FSHR: variants seen among roughly 807,000 people sequenced by gnomAD.
FSHR encodes follicle-stimulating hormone receptor.
Under a neutral mutation model 52.1 loss-of-function variants are expected in FSHR, and 46 were observed. The observed-to-expected ratio is 0.88, with a 90% CI of 0.70 to 1.13. The LOEUF is 1.13. Ranked by LOEUF, FSHR falls within the 50% of genes most tolerant of loss-of-function variation. The probability of loss-of-function intolerance (pLI) is 0.00; values close to 1 mark genes in which losing one functional copy is unlikely to be tolerated. For missense variants in FSHR, 964 were observed against 834.6 expected (o/e 1.16, Z -1.91); for synonymous variants, 399 against 309.6 (o/e 1.29, Z -3.03).
chr2:49,130,942 G>A (rs1244478544), intron 1 of FSHR, among the ~76,000 whole-genome samples: 2 of 152,152 alleles, frequency 1.3e-5, no homozygotes, highest in South Asian at 2.1e-4. Context: ...TTATGATTCC[G>A]GGGAGGTAAA....
chr2:49,041,303 G>A (rs1186783373), intron 2 of FSHR, among the ~76,000 whole-genome samples: 1 of 152,142 alleles, frequency 6.6e-6, no homozygotes, highest in Non-Finnish European at 1.5e-5. Flanking sequence ...CTCACTCAGT[G>A]TAAAATGTTT....
At chr2:48,972,731 A>G (rs1456512882) in intron 8 of FSHR, among the ~76,000 whole-genome samples, 1 of 151,264 alleles carries the variant, frequency 6.6e-6, no homozygotes, top group African/African-American at 2.5e-5. Flanking sequence ...TAAAAAAAAC[A>G]TTTTAGAAGT....
intron 1 of FSHR, among the ~76,000 whole-genome samples, chr2:49,081,068 C>G (rs898348448): frequency 6.6e-6 from 1 of 152,128 alleles, no homozygotes; most frequent in African/African-American, 2.4e-5. Flanking sequence ...TCTCTGCCTT[C>G]TGATTGACCC....
intron 1 of FSHR, among the ~76,000 whole-genome samples, chr2:49,072,433 A>T (rs1669771937): frequency 6.6e-6 from 1 of 152,198 alleles, no homozygotes; most frequent in African/African-American, 2.4e-5. Flanking sequence ...GAAACAAAAA[A>T]TTAGATTAAA....
At chr2:49,037,684 A>G (rs1315687090) in intron 2 of FSHR, among the ~76,000 whole-genome samples, 7 of 152,212 alleles carry the variant, frequency 4.6e-5, no homozygotes, top group Admixed American at 3.9e-4. Flanking sequence ...TAGAATAGCT[A>G]TAAACAATGA....
Position 49,015,032 on chromosome 2 carries a change from C to T in FSHR, c.374+2457G>A, listed in dbSNP as rs1667430071. 3 of 364,830 alleles carry T rather than the reference C, an allele frequency of 8.2e-6. No individual in the cohort carries two copies. In the Admixed American group the frequency reaches 1.3e-4, roughly 16 times the overall value. 22.6% of individuals were successfully genotyped at this position (364,830 alleles called of 1,614,324 possible). On this transcript the variant is annotated intron_variant, in intron 4 of 9. Transcript: ENST00000406846. The stretch of plus-strand genomic sequence containing the variant: ...AACAGGCACTAATAATTTTATATTT[C>T]TATAGTTCTTTATAGTTTTTATATA...
chr2:49,066,838 G>C (rs1437995597), intron 2 of FSHR, among the ~76,000 whole-genome samples: 1 of 152,090 alleles, frequency 6.6e-6, no homozygotes, highest in Non-Finnish European at 1.5e-5. Flanking sequence ...TGTAATTATA[G>C]TGATGTTTAG....
At chr2:49,041,996 T>G (rs1046895364) in intron 2 of FSHR, among the ~76,000 whole-genome samples, 1 of 151,958 alleles carries the variant, frequency 6.6e-6, no homozygotes, top group Admixed American at 6.6e-5. Context: ...ATACAAAAAC[T>G]AGTTGTGTGC....
chr2:49,074,808 G>C (rs975540651), intron 1 of FSHR, among the ~76,000 whole-genome samples: 8 of 151,982 alleles, frequency 5.3e-5, no homozygotes, highest in Non-Finnish European at 1.0e-4. Context: ...AAGCAAATGC[G>C]GTATATATAC....
chr2:48,989,249 A>G (rs1675657836), intron 5 of FSHR, among the ~76,000 whole-genome samples, 195 bp from the exon 6 acceptor site: 1 of 150,164 alleles, frequency 6.7e-6, no homozygotes, highest in South Asian at 2.1e-4. Flanking sequence ...TGTTCTTACA[A>G]ATGGAATTGC....
rs773145656 is a variant in FSHR at position 48,963,153 on chromosome 2, C to A, written c.1668G>T (p.Val556=). The A allele has an allele frequency of 6.8e-6, 11 of 1,614,042 alleles. No homozygotes were observed. In the South Asian group the frequency reaches 1.2e-4, roughly 18 times the overall value. The change falls in exon 10 of 10, where the codon GTG becomes GTT. Residue 556 remains valine (V), a synonymous_variant. Coordinates refer to ENST00000406846, the MANE Select transcript of FSHR (RefSeq NM_000145.4). ...CGCYIHIYLT[V]RNPNIVSSSS... is the part of the protein sequence containing the mutation. ...AGGAGGACACGATGTTGGGGTTCCG[C>A]ACTGTGAGGTAGATGTGGATATAGC...
intron 4 of FSHR, among the ~76,000 whole-genome samples, chr2:49,008,547 T>C (rs1667151829): frequency 6.6e-6 from 1 of 151,652 alleles, no homozygotes; most frequent in South Asian, 2.1e-4. Flanking sequence ...TACCCAGTAA[T>C]GGGATGGCTG....
chr2:48,982,885 C>G (rs775671611), intron 8 of FSHR, 27 bp downstream of exon 8: 6 of 1,586,372 alleles, frequency 3.8e-6, no homozygotes, highest in Non-Finnish European at 5.2e-6. Flanking sequence ...TGAGCTCTTA[C>G]ACACAGAAAT....
At chr2:49,127,822 T>C (rs1558456548) in intron 1 of FSHR, among the ~76,000 whole-genome samples, 8 of 63,672 alleles carry the variant, frequency 1.3e-4, no homozygotes, top group African/African-American at 6.0e-4. Flanking sequence ...TTCTTCTTCT[T>C]CTTCTTCCTC....
At chr2:49,027,746 A>G (rs1305815933) in intron 2 of FSHR, among the ~76,000 whole-genome samples, 1 of 150,056 alleles carries the variant, frequency 6.7e-6, no homozygotes, top group African/African-American at 2.5e-5. Flanking sequence ...GCTGCTCGAG[A>G]GGCTGAGGCA....
intron 2 of FSHR, among the ~76,000 whole-genome samples, chr2:49,048,716 G>C (rs1175859828): frequency 1.3e-5 from 2 of 152,110 alleles, no homozygotes; most frequent in Admixed American, 1.3e-4. Flanking sequence ...TTTACCCCTA[G>C]CTCCTGGACT....
At chr2:49,141,549 A>G (rs1317773771) in intron 1 of FSHR, among the ~76,000 whole-genome samples, 4 of 152,152 alleles carry the variant, frequency 2.6e-5, no homozygotes, top group Non-Finnish European at 4.4e-5. Flanking sequence ...ATCCACCCCA[A>G]TGATCCAAAT....
At chr2:49,153,025 CCA>C (rs1673118667) in intron 1 of FSHR, among the ~76,000 whole-genome samples, 1 of 152,206 alleles carries the variant, frequency 6.6e-6, no homozygotes, top group African/African-American at 2.4e-5. Context: ...ACAGAGCTGG[CCA>C]GTTATTTTCC....
chr2:48,979,185 C>A (rs879513495), intron 8 of FSHR, among the ~76,000 whole-genome samples: 1 of 152,150 alleles, frequency 6.6e-6, no homozygotes. Flanking sequence ...TGACTCACGC[C>A]TGTAATTCCA....
Sources: gnomAD v4.1 joint callset for allele counts (sites outside exome capture counted in the v4.1 genomes callset) on GRCh38, gnomAD v4.1.1 for gene constraint, MANE v1.5 for transcripts, NCBI Gene and HGNC (gene_info 2026-07-23, HGNC 2026-07-21) for gene names.